The following NEO1 variants were observed in gnomAD, a reference collection of about 807,000 sequenced individuals.
NEO1 encodes the protein neogenin 1, also known as neogenin.
In NEO1, 63 loss-of-function variants were observed where a neutral mutation model predicts 159.7. The observed-to-expected ratio is 0.39, with a 90% CI of 0.32 to 0.49. The LOEUF is 0.49. Among genes scored for constraint, NEO1 ranks in the 20% least tolerant of loss-of-function variants. NEO1 has a pLI of 0.85. For missense variants in NEO1, 1,615 were observed against 1,831.0 expected (o/e 0.88, Z 2.15); for synonymous variants, 633 against 662.0 (o/e 0.96, Z 0.67).
chr15:73,301,602 C>G, intron 28 of NEO1, 145 bp downstream of exon 28: 1 of 1,055,086 alleles, frequency 9.5e-7, no homozygotes, highest in Non-Finnish European at 1.4e-6. Flanking sequence ...TCAGTAGATA[C>G]AGTGTTGAGC....
rs1257239484 is a variant in NEO1, at chr15:73,304,932, C to T, written c.*2236C>T. The T allele has an allele frequency of 1.3e-5, 2 of 152,136 alleles. No individual in the cohort carries two copies. The allele number at this position is 152,136 out of a possible 1,614,324, so 9.4% of individuals were successfully genotyped here. Reference sequence around the variant, plus strand: ...TTTCACAATTTAATACATTTTCTTACATTTTCCTGTGATTTTCGAAACTAA... The same window carrying T: ...TTTCACAATTTAATACATTTTCTTATATTTTCCTGTGATTTTCGAAACTAA... On this transcript the variant is annotated 3_prime_UTR_variant, in exon 29 of 29. Coordinates refer to ENST00000261908, the MANE Select transcript of NEO1 (RefSeq NM_002499.4).
At chr15:73,133,361 G>A (rs1056963096) in intron 4 of NEO1, among the ~76,000 whole-genome samples, 27 of 152,096 alleles carry the variant, frequency 1.8e-4, no homozygotes, top group African/African-American at 6.3e-4. Context: ...AGATGCAAAG[G>A]CATAAGAATG....
At chr15:73,253,314 G>C (rs1003133721) in intron 11 of NEO1, 86 bp from the exon 12 acceptor site, 2 of 724,786 alleles carry the variant, frequency 2.8e-6, no homozygotes, top group African/African-American at 1.8e-5. Context: ...ATGTGCATTT[G>C]TTTAAAGTCC....
At chr15:73,243,911 GAGTCTCTT>G (rs1262351824) in intron 8 of NEO1, among the ~76,000 whole-genome samples, 2 of 152,012 alleles carry the variant, frequency 1.3e-5, no homozygotes, top group African/African-American at 4.8e-5. Context: ...TTTTTATTGA[GAGTCTCTT>G]AGCCAAAATA....
chr15:73,069,589 T>C (rs2068434486), intron 1 of NEO1, among the ~76,000 whole-genome samples: 1 of 152,000 alleles, frequency 6.6e-6, no homozygotes. Context: ...CTCATTTTTA[T>C]AGTAAATTTC....
At chr15:73,288,750 A>G in intron 24 of NEO1, among the ~76,000 whole-genome samples, 199 bp downstream of exon 24, 1 of 152,132 alleles carries the variant, frequency 6.6e-6, no homozygotes, top group Non-Finnish European at 1.5e-5. Context: ...TAGCCATACG[A>G]GACAATCTTG....
At chr15:73,114,958 T>A (rs2071219010) in intron 1 of NEO1, among the ~76,000 whole-genome samples, 2 of 152,188 alleles carry the variant, frequency 1.3e-5, no homozygotes, top group South Asian at 4.1e-4. Flanking sequence ...TAATTGCAGG[T>A]TACTTTTTAA....
chr15:73,061,111 G>A (rs188064648), intron 1 of NEO1, among the ~76,000 whole-genome samples: 2 of 152,242 alleles, frequency 1.3e-5, no homozygotes, highest in East Asian at 1.9e-4. Context: ...TAATTCATAG[G>A]CAGTTCTAAC....
chr15:73,152,793 T>TGGG (rs572361026), intron 5 of NEO1, among the ~76,000 whole-genome samples: 5 of 151,774 alleles, frequency 3.3e-5, no homozygotes, highest in African/African-American at 1.2e-4. Flanking sequence ...GCTAGGTGTG[T>TGGG]GGGGGGGAAA....
intron 3 of NEO1, among the ~76,000 whole-genome samples, chr15:73,123,266 A>T (rs1455452632): frequency 6.6e-6 from 1 of 152,082 alleles, no homozygotes; most frequent in Non-Finnish European, 1.5e-5. Context: ...CAGAAGATCC[A>T]CTCTTTAGGG....
At position 73,303,036 on chromosome 15, in the gene NEO1, T is replaced by G. The variant is rs2042680042; in HGVS notation, c.*340T>G. 3.9e-6 allele frequency: 1 copy of G among 255,258 alleles called. No individual in the cohort carries two copies. Among genetic ancestry groups the G allele is most frequent in the South Asian group, 6.7e-5 (1 of 14,896 alleles). 15.8% of individuals were successfully genotyped at this position (255,258 alleles called of 1,614,324 possible). ...GCCGTGTCTTTGTGCTGTGACTGCA[T>G]CACCTTTATGGAGTGTAGACATTGG... On this transcript the variant is annotated 3_prime_UTR_variant, in exon 29 of 29. Transcript: ENST00000261908.
Position 73,241,899 on chromosome 15 carries a change from A to AT in NEO1, c.1452-2439dup, listed in dbSNP as rs1379071953. ...TTAGTAACCTTCACTTATTTCTCCC[A>AT]TTTTTTCCCTTTCACATAGAAGCAA... On this transcript the variant is annotated intron_variant, in intron 8 of 28. Coordinates refer to ENST00000261908, the MANE Select transcript of NEO1 (RefSeq NM_002499.4). 7.6e-4 allele frequency among the ~76,000 whole-genome samples: 116 copies of AT among 152,060 alleles called. 1 individual carries two copies. Among genetic ancestry groups the AT allele is most frequent in the African/African-American group, 2.7e-3 (111 of 41,474 alleles).
chr15:73,097,490 A>G (rs954430659), intron 1 of NEO1, among the ~76,000 whole-genome samples: 1 of 151,356 alleles, frequency 6.6e-6, no homozygotes, highest in Admixed American at 6.6e-5. Flanking sequence ...CCTCCCAGGT[A>G]GCTGGGATTA....
At chr15:73,289,032 T>C in intron 24 of NEO1, 114 bp from the exon 25 acceptor site, 1 of 732,652 alleles carries the variant, frequency 1.4e-6, no homozygotes, top group Non-Finnish European at 2.4e-6. Flanking sequence ...AAATGTCTTG[T>C]CCCCATTATG....
intron 1 of NEO1, among the ~76,000 whole-genome samples, chr15:73,066,740 C>T (rs1246141786): frequency 6.6e-6 from 1 of 152,100 alleles, no homozygotes; most frequent in Non-Finnish European, 1.5e-5. Flanking sequence ...GGGGTTTACC[C>T]TCCCTCTTGG....
intron 7 of NEO1, among the ~76,000 whole-genome samples, chr15:73,202,466 A>G (rs1473129153): frequency 6.6e-6 from 1 of 152,158 alleles, no homozygotes; most frequent in Non-Finnish European, 1.5e-5. Context: ...TAAGAGGAGC[A>G]TCTGTTATCT....
chr15:73,059,076 G>A (rs991920509), intron 1 of NEO1, among the ~76,000 whole-genome samples: 85 of 152,200 alleles, frequency 5.6e-4, no homozygotes, highest in African/African-American at 1.9e-3. Context: ...GAGTTATATG[G>A]CTTCAGTGTT....
intron 9 of NEO1, among the ~76,000 whole-genome samples, chr15:73,247,188 G>A (rs960286064): frequency 6.6e-6 from 1 of 152,206 alleles, no homozygotes; most frequent in Admixed American, 6.6e-5. Flanking sequence ...TTTCTGAAGA[G>A]AGATTTGGAT....
chr15:73,296,557 G>T (rs1053601150), intron 26 of NEO1, among the ~76,000 whole-genome samples: 14 of 152,184 alleles, frequency 9.2e-5, no homozygotes, highest in Non-Finnish European at 2.9e-5. Flanking sequence ...GAGCCCAAGG[G>T]CACAGATTCA....
Sources: allele counts gnomAD v4.1 joint callset (sites outside exome capture counted in the v4.1 genomes callset), GRCh38; gene constraint gnomAD v4.1.1; transcripts MANE v1.5; gene names NCBI Gene and HGNC (gene_info 2026-07-23, HGNC 2026-07-21).